Variants in RANBP2 observed in about 807,000 individuals in gnomAD.
RANBP2 encodes RAN binding protein 2, also known as E3 SUMO-protein ligase RanBP2.
A neutral mutation model predicts 303.6 loss-of-function variants in RANBP2; 57 were observed. The observed-to-expected ratio is 0.19, with a 90% CI of 0.15 to 0.23. The LOEUF is 0.23. RANBP2 is among the 10% of genes least tolerant of loss of function. RANBP2 has a pLI of 1.00. For missense variants in RANBP2, 3,138 were observed against 3,780.8 expected (o/e 0.83, Z 4.46); for synonymous variants, 1,167 against 1,301.5 (o/e 0.90, Z 2.23).
chr2:109,419,111 A>G, the RANBP2 span, among the ~76,000 whole-genome samples: 3 of 152,016 alleles, frequency 2.0e-5, no homozygotes, highest in Non-Finnish European at 2.9e-5. Context: ...CATGGGACCA[A>G]TTTTCTTTAG....
chr2:109,599,663 G>C, the RANBP2 span, among the ~76,000 whole-genome samples: 1 of 152,002 alleles, frequency 6.6e-6, no homozygotes, highest in African/African-American at 2.4e-5. Context: ...AAAGTTAAAG[G>C]ATAACTGCAA....
At chr2:109,664,051 G>C in the RANBP2 span, among the ~76,000 whole-genome samples, 10 of 152,186 alleles carry the variant, frequency 6.6e-5, no homozygotes, top group Admixed American at 1.3e-4. Flanking sequence ...TCCAAAGCCA[G>C]TGGATCACTC....
the RANBP2 span, among the ~76,000 whole-genome samples, chr2:108,963,341 T>C: frequency 6.6e-6 from 1 of 152,210 alleles, no homozygotes; most frequent in African/African-American, 2.4e-5. Context: ...TCAAGAGCCC[T>C]TCAAAATCTG....
the RANBP2 span, among the ~76,000 whole-genome samples, chr2:109,701,015 G>A: frequency 3.9e-5 from 6 of 152,190 alleles, no homozygotes; most frequent in South Asian, 1.2e-3. Context: ...GCCTCTTGTG[G>A]CTGAGGGAAA....
the RANBP2 span, among the ~76,000 whole-genome samples, chr2:109,376,974 G>A: frequency 3.3e-5 from 5 of 152,232 alleles, no homozygotes; most frequent in Non-Finnish European, 5.9e-5. Flanking sequence ...CACCTGTCCC[G>A]GCAGCCAGCA....
the RANBP2 span, among the ~76,000 whole-genome samples, chr2:109,697,741 C>G: frequency 6.6e-6 from 1 of 151,912 alleles, no homozygotes; most frequent in Non-Finnish European, 1.5e-5. Context: ...CTTTATTGTA[C>G]TAGGTAGGAC....
At chr2:109,521,052 C>T in the RANBP2 span, among the ~76,000 whole-genome samples, 5 of 148,324 alleles carry the variant, frequency 3.4e-5, no homozygotes, top group African/African-American at 1.3e-4. Flanking sequence ...CCCGTCTCTA[C>T]TAAAAATACA....
chr2:109,496,769 A>G, the RANBP2 span, among the ~76,000 whole-genome samples: 1 of 122,872 alleles, frequency 8.1e-6, no homozygotes, highest in Admixed American at 9.3e-5. Context: ...CTATGTTACC[A>G]TACATGGCAA....
At chr2:109,486,800 A>C in the RANBP2 span, among the ~76,000 whole-genome samples, 1 of 152,204 alleles carries the variant, frequency 6.6e-6, no homozygotes, top group African/African-American at 2.4e-5. Flanking sequence ...GAGACATCCC[A>C]GCAGGGCGAC....
At chr2:109,763,265 GTACAT>G in the RANBP2 span, among the ~76,000 whole-genome samples, 49 of 150,588 alleles carry the variant, frequency 3.3e-4, 1 homozygote, top group African/African-American at 1.2e-3. Context: ...ACTGTTCTGA[GTACAT>G]TACATGTTTT....
the RANBP2 span, among the ~76,000 whole-genome samples, chr2:108,805,803 A>G: frequency 3.3e-5 from 5 of 152,068 alleles, no homozygotes; most frequent in Admixed American, 6.6e-5. Context: ...AGTTATGTCT[A>G]TTTTTTTCCT....
At chr2:109,529,468 G>A in the RANBP2 span, among the ~76,000 whole-genome samples, 11 of 152,294 alleles carry the variant, frequency 7.2e-5, no homozygotes, top group East Asian at 1.5e-3. Context: ...GCCCCTGCAC[G>A]GGGAAGGAGA....
At chr2:108,965,199 C>T in the RANBP2 span, among the ~76,000 whole-genome samples, 1 of 152,076 alleles carries the variant, frequency 6.6e-6, no homozygotes, top group African/African-American at 2.4e-5. Context: ...ACAAATGGGC[C>T]AGGCGCGGTG....
At chr2:109,715,218 C>T in the RANBP2 span, among the ~76,000 whole-genome samples, 7 of 150,652 alleles carry the variant, frequency 4.6e-5, no homozygotes, top group East Asian at 5.9e-4. Flanking sequence ...CCACCCACCT[C>T]GGCCTCCCAA....
chr2:109,571,988 G>A, the RANBP2 span, among the ~76,000 whole-genome samples: 1 of 152,208 alleles, frequency 6.6e-6, no homozygotes, highest in African/African-American at 2.4e-5. Context: ...AACTGTGCCT[G>A]TTAATTTTTA....
chr2:108,745,062 A>G lies in RANBP2; in HGVS notation c.976-1649A>G, dbSNP rs542963043. Among the ~76,000 whole-genome samples the G allele has an allele frequency of 1.1e-4, 16 of 150,376 alleles. No homozygotes were observed. In the East Asian group the frequency reaches 3.1e-3, roughly 29 times the overall value. The stretch of plus-strand genomic sequence containing the variant: ...TTATTCCATTGTATGGATGTACTGT[A>G]GTTTTGGAGTTTTTAAAACCAGGGT... On this transcript the variant is annotated intron_variant, in intron 7 of 28. Coordinates refer to ENST00000283195, the MANE Select transcript of RANBP2 (RefSeq NM_006267.5).
chr2:108,909,626 C>A, the RANBP2 span, among the ~76,000 whole-genome samples: 2 of 152,158 alleles, frequency 1.3e-5, no homozygotes, highest in African/African-American at 4.8e-5. Context: ...GCAGGGGGGT[C>A]CGAGCACATT....
At chr2:109,415,205 A>G in the RANBP2 span, among the ~76,000 whole-genome samples, 1 of 152,240 alleles carries the variant, frequency 6.6e-6, no homozygotes, top group Non-Finnish European at 1.5e-5. Context: ...CCTTGATTTT[A>G]GAACTTCTGA....
the RANBP2 span, among the ~76,000 whole-genome samples, chr2:108,843,125 T>C: frequency 2.0e-5 from 3 of 152,302 alleles, no homozygotes; most frequent in East Asian, 1.9e-4. Context: ...TCTATCTGTT[T>C]AGAGGACTTC....
Sources: gnomAD v4.1 joint callset for allele counts (sites outside exome capture counted in the v4.1 genomes callset) on GRCh38, gnomAD v4.1.1 for gene constraint, MANE v1.5 for transcripts, NCBI Gene and HGNC (gene_info 2026-07-23, HGNC 2026-07-21) for gene names.